The following XXYLT1 variants were observed in gnomAD, a reference collection of about 807,000 sequenced individuals.
XXYLT1 encodes xyloside xylosyltransferase 1.
XXYLT1 carries 20 observed loss-of-function variants against 28.9 expected under a neutral mutation model. The ratio of observed to expected loss-of-function variants is 0.69; its 90% CI spans 0.49 to 1.00. The LOEUF is 1.00. Among genes scored for constraint, XXYLT1 ranks in the 50% least tolerant of loss-of-function variants. XXYLT1 has a pLI of 0.00. For synonymous variants in XXYLT1, 257 were observed against 253.8 expected, an observed-to-expected ratio of 1.01 and a Z score of -0.12; for missense variants, 542 against 560.1, an observed-to-expected ratio of 0.97 and a Z score of 0.33.
intron 1 of XXYLT1, among the ~76,000 whole-genome samples, chr3:195,231,844 A>G (rs11927247): frequency 0.067 from 10,129 of 151,638 alleles, 1,153 homozygotes; most frequent in African/African-American, 0.23. Flanking sequence ...ATACTAGCCT[A>G]TAGTTTTCTT....
At chr3:195,194,539 T>C (rs73890723) in intron 2 of XXYLT1, among the ~76,000 whole-genome samples, 7,778 of 152,166 alleles carry the variant, frequency 0.051, 604 homozygotes, top group African/African-American at 0.18. Context: ...ATTTCCCATA[T>C]GACCCAGCAA....
chr3:195,259,256 A>C (rs1395472707), intron 1 of XXYLT1, among the ~76,000 whole-genome samples: 1 of 152,230 alleles, frequency 6.6e-6, no homozygotes, highest in Non-Finnish European at 1.5e-5. Context: ...AATTTAAAAC[A>C]CATTAACTTA....
At chr3:195,260,977 C>T (rs1725680083) in intron 1 of XXYLT1, among the ~76,000 whole-genome samples, 1 of 152,206 alleles carries the variant, frequency 6.6e-6, no homozygotes. Context: ...CCCTCATCCC[C>T]ACACCCACAG....
chr3:195,142,941 C>G (rs556144431), intron 3 of XXYLT1, among the ~76,000 whole-genome samples: 2 of 152,334 alleles, frequency 1.3e-5, no homozygotes, highest in South Asian at 4.1e-4. Flanking sequence ...TCTTCGGGCA[C>G]CGAGAGGAGT....
At chr3:195,220,439 C>T (rs1006816602) in intron 2 of XXYLT1, among the ~76,000 whole-genome samples, 23 of 152,174 alleles carry the variant, frequency 1.5e-4, no homozygotes, top group Non-Finnish European at 2.5e-4. Context: ...CCACCTCGCC[C>T]GGCCGGGCCC....
chr3:195,255,492 G>A lies in XXYLT1; in HGVS notation c.504+15063C>T, dbSNP rs1022231833. ...TGCAAAGCTTCCTTCTGGAGCAGCC[G>A]ATCAGTGGACGTGGAGCAAAGCCTT... On this transcript the variant is annotated intron_variant, in intron 1 of 3. Coordinates refer to ENST00000310380, the MANE Select transcript of XXYLT1 (RefSeq NM_152531.5). This position sits in a 1 kb window ranked among gnomAD's most constrained non-coding sequence, Gnocchi z 4.5. Among the ~76,000 whole-genome samples the A allele has an allele frequency of 1.0e-4, 15 of 149,804 alleles. No homozygotes were observed. The highest frequency in any genetic ancestry group is 9.6e-4 in the East Asian group (5 of 5,186).
chr3:195,086,668 C>A (rs956544604), intron 3 of XXYLT1, among the ~76,000 whole-genome samples: 1 of 151,986 alleles, frequency 6.6e-6, no homozygotes, highest in African/African-American at 2.4e-5. Flanking sequence ...TGGGTGGGCA[C>A]TGGCATGGAG....
intron 3 of XXYLT1, among the ~76,000 whole-genome samples, chr3:195,075,863 G>A (rs144283781): frequency 0.022 from 3,358 of 152,324 alleles, 111 homozygotes; most frequent in African/African-American, 0.074. Context: ...AGGTCGAGGC[G>A]CGGCTGTTGC....
Position 195,173,432 on chromosome 3 carries a change from G to A in XXYLT1, c.653-16851C>T, listed in dbSNP as rs562302419. On this transcript the variant is annotated intron_variant, in intron 2 of 3. Transcript: ENST00000310380. This position sits in a 1 kb window ranked among gnomAD's most constrained non-coding sequence, Gnocchi z 4.3. ...TTACCTAGGAGGTGCTCGACACTAA[G>A]TAACATTCTGGTTCATATAAGACTG... Among the ~76,000 whole-genome samples, 4 of 152,198 alleles carry A rather than the reference G, an allele frequency of 2.6e-5. No individual in the cohort carries two copies. The highest frequency in any genetic ancestry group is 9.7e-5 in the African/African-American group (4 of 41,442).
rs180970862 is a variant in XXYLT1 at position 195,125,364 on chromosome 3, T to C, written c.785+31085A>G. ...GGCCTTTCATCCCCATTTCCTTCCA[T>C]TGCGGGGCTGGAGAATTGGGAGAGC... is the stretch of plus-strand genomic sequence containing the variant. On this transcript the variant is annotated intron_variant, in intron 3 of 3. Transcript: ENST00000310380. Among the ~76,000 whole-genome samples the C allele has an allele frequency of 3.7e-3, 560 of 152,352 alleles. 6 individuals are homozygous for C. Among genetic ancestry groups the C allele is most frequent in the African/African-American group, 0.013 (541 of 41,590 alleles).
intron 2 of XXYLT1, among the ~76,000 whole-genome samples, chr3:195,170,091 C>T (rs1721331853): frequency 6.6e-6 from 1 of 152,010 alleles, no homozygotes; most frequent in Non-Finnish European, 1.5e-5. Context: ...TCTCAGTGAT[C>T]CGCCAGCCTC....
At chr3:195,136,900 C>T (rs753109109) in intron 3 of XXYLT1, among the ~76,000 whole-genome samples, 1 of 151,922 alleles carries the variant, frequency 6.6e-6, no homozygotes, top group African/African-American at 2.4e-5. Context: ...TTAGAAGTGG[C>T]GTCGAAGGGT....
intron 3 of XXYLT1, among the ~76,000 whole-genome samples, chr3:195,130,056 G>C (rs536974393): frequency 6.6e-6 from 1 of 152,276 alleles, no homozygotes; most frequent in African/African-American, 2.4e-5. Flanking sequence ...TTTACACTCT[G>C]CCTGATGACT....
At chr3:195,247,894 A>G in intron 1 of XXYLT1, 2 of 682,892 alleles carry the variant, frequency 2.9e-6, no homozygotes, top group Non-Finnish European at 5.4e-6. Context: ...CAAACAGCAG[A>G]TCTCCTGAGA....
At chr3:195,141,746 T>C (rs1212299337) in intron 3 of XXYLT1, among the ~76,000 whole-genome samples, 1 of 152,208 alleles carries the variant, frequency 6.6e-6, no homozygotes, top group Non-Finnish European at 1.5e-5. Flanking sequence ...GCATCTCCAC[T>C]GTGTGGGTCA....
chr3:195,126,602 CA>C (rs1294414605), intron 3 of XXYLT1, among the ~76,000 whole-genome samples: 2 of 152,198 alleles, frequency 1.3e-5, no homozygotes, highest in Admixed American at 6.5e-5. Context: ...AAAGACTTGA[CA>C]TTCTGCACAG....
At chr3:195,089,942 A>G (rs1716037026) in intron 3 of XXYLT1, among the ~76,000 whole-genome samples, 1 of 152,096 alleles carries the variant, frequency 6.6e-6, no homozygotes, top group South Asian at 2.1e-4. Flanking sequence ...GCCATTACAT[A>G]ATGGTAAAGG....
intron 2 of XXYLT1, among the ~76,000 whole-genome samples, chr3:195,220,206 A>T (rs1723761069): frequency 6.6e-6 from 1 of 152,100 alleles, no homozygotes; most frequent in South Asian, 2.1e-4. Context: ...CAGTGGTGCT[A>T]TCTAGGCTCA....
At chr3:195,170,793 A>G (rs1209600903) in intron 2 of XXYLT1, among the ~76,000 whole-genome samples, 1 of 152,098 alleles carries the variant, frequency 6.6e-6, no homozygotes, top group Non-Finnish European at 1.5e-5. Flanking sequence ...CTGTAAACCT[A>G]GCACTTCGCG....
Sources: allele counts gnomAD v4.1 joint callset (sites outside exome capture counted in the v4.1 genomes callset), GRCh38; gene constraint gnomAD v4.1.1; non-coding constraint Gnocchi (gnomAD v3.1); transcripts MANE v1.5; gene names NCBI Gene and HGNC (gene_info 2026-07-23, HGNC 2026-07-21).